Variants in DMD observed in about 807,000 individuals in gnomAD.
DMD encodes mutant dystrophin.
DMD carries 63 observed loss-of-function variants against 330.1 expected under a neutral mutation model. The ratio of observed to expected loss-of-function variants is 0.19; its 90% CI spans 0.16 to 0.24. DMD has a LOEUF of 0.24. DMD is among the 10% of genes least tolerant of loss of function. The pLI, the probability that DMD is intolerant of heterozygous loss-of-function variation, is 1.00. For missense variants in DMD, 3,344 were observed against 2,684.1 expected (o/e 1.25, Z -5.43); for synonymous variants, 1,223 against 959.8 (o/e 1.27, Z -5.07).
chrX:32,779,092 G>A (rs1168062190), intron 7 of DMD, among the ~76,000 whole-genome samples: 1 of 111,654 alleles, frequency 9.0e-6, no homozygotes, highest in Admixed American at 9.5e-5. Context: ...ACTGGTGCCT[G>A]TAATAAATTT....
chrX:31,126,042 G>A (rs927856557), intron 78 of DMD, among the ~76,000 whole-genome samples: 1 of 111,311 alleles, frequency 9.0e-6, no homozygotes, highest in Non-Finnish European at 1.9e-5. Flanking sequence ...TCTGTAAAAC[G>A]GGGTTAATAA....
chrX:31,704,206 T>C (rs2084014278), intron 52 of DMD, among the ~76,000 whole-genome samples: 1 of 111,902 alleles, frequency 8.9e-6, no homozygotes, highest in African/African-American at 3.2e-5. Flanking sequence ...CTTTTAAAAT[T>C]AGTATAGGAA....
chrX:32,022,567 G>A (rs956101483), intron 44 of DMD, among the ~76,000 whole-genome samples: 1 of 112,239 alleles, frequency 8.9e-6, no homozygotes. Context: ...GGGAATTAAA[G>A]GTTATTGAGA....
chrX:32,132,993 C>CTTTTCTTTT (rs2096705124), intron 44 of DMD, among the ~76,000 whole-genome samples: 2 of 75,971 alleles, frequency 2.6e-5, no homozygotes, highest in African/African-American at 1.4e-4. Flanking sequence ...CTTTTCTTTT[C>CTTTTCTTTT]TTTTTTTTTT....
intron 49 of DMD, among the ~76,000 whole-genome samples, chrX:31,831,661 T>A (rs113628207): frequency 9.0e-6 from 1 of 110,819 alleles, no homozygotes; most frequent in Non-Finnish European, 1.9e-5. Flanking sequence ...TGCAGTGGCG[T>A]GATCTCAGCT....
rs764511794 is a variant in DMD at position 31,493,774 on chromosome X, T to C, written c.8547+3014A>G. Among the ~76,000 whole-genome samples the C allele has an allele frequency of 4.0e-4, 45 of 112,006 alleles. No individual in the cohort carries two copies. In the South Asian group the frequency reaches 0.011, roughly 28 times the overall value. ...TTCTGACTGAAATGTAGAGATTGCATTGTAGGGTGGCAAGAGTAGATGCAG... is the reference window on the plus strand; with the variant it reads ...TTCTGACTGAAATGTAGAGATTGCACTGTAGGGTGGCAAGAGTAGATGCAG... On this transcript the variant is annotated intron_variant, in intron 57 of 78. Transcript: ENST00000357033.
intron 48 of DMD, among the ~76,000 whole-genome samples, chrX:31,841,225 G>A (rs763828359): frequency 8.9e-6 from 1 of 111,987 alleles, no homozygotes; most frequent in South Asian, 3.7e-4. Flanking sequence ...ATTCTCCTAA[G>A]CCAAAGCCTA....
intron 7 of DMD, among the ~76,000 whole-genome samples, chrX:32,702,458 T>A (rs924785498): frequency 2.7e-5 from 3 of 111,297 alleles, no homozygotes; most frequent in Non-Finnish European, 5.7e-5. Flanking sequence ...TGGCTTTGTG[T>A]GTCTTAGAGA....
intron 4 of DMD, among the ~76,000 whole-genome samples, chrX:32,835,641 G>A (rs1603444309): frequency 8.9e-6 from 1 of 111,753 alleles, no homozygotes; most frequent in Non-Finnish European, 1.9e-5. Context: ...TAAGCTGAGT[G>A]GCATTCAAGT....
chrX:32,622,921 G>C (rs1289243270), intron 11 of DMD, among the ~76,000 whole-genome samples: 2 of 111,652 alleles, frequency 1.8e-5, no homozygotes, highest in African/African-American at 6.5e-5. Context: ...CACTTTGAAT[G>C]ACAACATTCC....
At position 32,238,444 on chromosome X, in the gene DMD, T is replaced by TGAGAGA. The variant is rs200601285; in HGVS notation, c.6291-21387_6291-21382dup. 2.7e-3 allele frequency among the ~76,000 whole-genome samples: 272 copies of TGAGAGA among 98,988 alleles called. 1 individual carries two copies. Among genetic ancestry groups the TGAGAGA allele is most frequent in the Middle Eastern group, 0.015 (3 of 196 alleles). 86.0% of individuals were successfully genotyped at this position (98,988 alleles called of 115,157 possible). ...GTGTTCCCACAGAAGAAGCAATGCA[T>TGAGAGA]GAGAGAGAGAGAGAGAGAGAGAGAG... is the stretch of plus-strand genomic sequence containing the variant. On this transcript the variant is annotated intron_variant, in intron 43 of 78. Transcript: ENST00000357033.
chrX:32,296,953 G>C (rs1603630158), intron 42 of DMD, among the ~76,000 whole-genome samples: 2 of 111,397 alleles, frequency 1.8e-5, no homozygotes, highest in East Asian at 5.7e-4. Flanking sequence ...AACATTAGCA[G>C]ACAGCTGGAA....
chrX:31,795,241 G>C (rs765304091), intron 50 of DMD, among the ~76,000 whole-genome samples: 151 of 112,153 alleles, frequency 1.3e-3, no homozygotes, highest in African/African-American at 4.8e-3. Flanking sequence ...AGGAAGAAAA[G>C]TTTAAATCAA....
chrX:32,430,972 T>A (rs1298675910), intron 29 of DMD, among the ~76,000 whole-genome samples: 4 of 112,154 alleles, frequency 3.6e-5, no homozygotes, highest in Admixed American at 2.8e-4. Context: ...CAATGGACAT[T>A]TAGGTTGTCT....
chrX:33,330,894 G>A (rs990239175), intron 1 of DMD, among the ~76,000 whole-genome samples: 1 of 111,593 alleles, frequency 9.0e-6, no homozygotes, highest in Admixed American at 9.6e-5. Flanking sequence ...TAGGAACTCC[G>A]GAAACCTCTA....
At chrX:32,600,617 C>T (rs1472873010) in intron 12 of DMD, among the ~76,000 whole-genome samples, 1 of 107,994 alleles carries the variant, frequency 9.3e-6, no homozygotes, top group Non-Finnish European at 1.9e-5. Context: ...CACACACACA[C>T]ACACACAAAA....
At chrX:32,686,559 C>CAAAAAAAAAA (rs750534167) in intron 9 of DMD, among the ~76,000 whole-genome samples, 274 of 28,156 alleles carry the variant, frequency 9.7e-3, no homozygotes, top group East Asian at 0.014. Context: ...AACTCCATCT[C>CAAAAAAAAAA]AAAAAAAAAA....
chrX:33,009,664 A>ATACACATATG lies in DMD; in HGVS notation c.93+10474_93+10475insCATATGTGTA, dbSNP rs2093590258. 2.2e-3 allele frequency among the ~76,000 whole-genome samples: 56 copies of ATACACATATG among 25,393 alleles called. 28 individuals are homozygous for ATACACATATG. Among genetic ancestry groups the ATACACATATG allele is most frequent in the East Asian group, 0.012 (6 of 495 alleles). The allele number at this position is 25,393 out of a possible 115,157, so 22.1% of individuals were successfully genotyped here. On this transcript the variant is annotated intron_variant, in intron 2 of 78. Transcript: ENST00000357033. ...TACACATATGTGTGTATACGTGTATATGTGTATACGTATATGTGTATATGC... is the reference window on the plus strand; with the variant it reads ...TACACATATGTGTGTATACGTGTATATACACATATGTGTGTATACGTATATGTGTATATGC...
chrX:31,430,971 G>T (rs1275676759), intron 60 of DMD, among the ~76,000 whole-genome samples: 3 of 107,334 alleles, frequency 2.8e-5, no homozygotes, highest in African/African-American at 6.8e-5. Flanking sequence ...CCCGGCTAAT[G>T]TTTTGTATTT....
Sources: gnomAD v4.1 joint callset for allele counts (sites outside exome capture counted in the v4.1 genomes callset) on GRCh38, gnomAD v4.1.1 for gene constraint, MANE v1.5 for transcripts, NCBI Gene and HGNC (gene_info 2026-07-23, HGNC 2026-07-21) for gene names.